The following CNST variants were observed in gnomAD, a reference collection of about 807,000 sequenced individuals.
The protein encoded by CNST is consortin, connexin sorting protein.
CNST carries 39 observed loss-of-function variants against 72.4 expected under a neutral mutation model. That is an observed-to-expected ratio of 0.54 (90% CI 0.42 to 0.70). The LOEUF (loss-of-function observed/expected upper bound fraction) is 0.70. CNST is among the 30% of genes least tolerant of loss of function. CNST has a pLI of 0.00. For synonymous variants in CNST, 332 were observed against 320.1 expected, an observed-to-expected ratio of 1.04 and a Z score of -0.40; for missense variants, 871 against 868.5, an observed-to-expected ratio of 1.00 and a Z score of -0.04.
At position 246,586,111 on chromosome 1, in the gene CNST, A is replaced by ATATG. The variant is rs777928408; in HGVS notation, c.-51-5400_-51-5399insATGT. ...GAGGGGGAGATATATATATATATAT[A>ATATG]TGTGTGTGTGTGTGTGTGTGTGTGT... On this transcript the variant is annotated intron_variant, in intron 1 of 10. Coordinates refer to ENST00000366513, the MANE Select transcript of CNST (RefSeq NM_152609.3). 2.7e-3 allele frequency among the ~76,000 whole-genome samples: 279 copies of ATATG among 102,680 alleles called. 2 individuals are homozygous for ATATG. The highest frequency in any genetic ancestry group is 0.01 in the African/African-American group (259 of 25,022). The allele number at this position is 102,680 out of a possible 152,430, so 67.4% of individuals were successfully genotyped here. A position where few individuals can be genotyped will look rare whatever the true frequency, so the allele number is the denominator to read the frequency against.
chr1:246,652,803 G>C (rs1376055315), intron 9 of CNST, among the ~76,000 whole-genome samples: 2 of 151,072 alleles, frequency 1.3e-5, no homozygotes, highest in African/African-American at 4.9e-5. Context: ...AGGAGATCGA[G>C]ACCATCCTGG....
At chr1:246,589,213 C>T (rs1395375886) in intron 1 of CNST, among the ~76,000 whole-genome samples, 2 of 151,596 alleles carry the variant, frequency 1.3e-5, no homozygotes, top group Admixed American at 6.6e-5. Flanking sequence ...GTGCTGCACC[C>T]ATTAACTCGT....
At chr1:246,629,888 C>T (rs1457156566) in intron 3 of CNST, among the ~76,000 whole-genome samples, 1 of 152,212 alleles carries the variant, frequency 6.6e-6, no homozygotes, top group Admixed American at 6.5e-5. Flanking sequence ...CACACCACCA[C>T]ACCCAGCTAA....
At chr1:246,585,457 T>G (rs1456672817) in intron 1 of CNST, among the ~76,000 whole-genome samples, 12 of 151,044 alleles carry the variant, frequency 7.9e-5, no homozygotes, top group East Asian at 2.0e-4. Context: ...GATCAGCCTG[T>G]CCAACATGGC....
intron 1 of CNST, among the ~76,000 whole-genome samples, chr1:246,567,902 C>T (rs2102995538): frequency 6.6e-6 from 1 of 152,166 alleles, no homozygotes; most frequent in South Asian, 2.1e-4. Flanking sequence ...TTTTTTCCCC[C>T]TCCAGGACCT....
intron 3 of CNST, among the ~76,000 whole-genome samples, chr1:246,627,302 G>C (rs1664501599): frequency 6.6e-6 from 1 of 152,200 alleles, no homozygotes; most frequent in South Asian, 2.1e-4. Flanking sequence ...ATCTTGTCCT[G>C]TTAGCCTCCT....
At chr1:246,649,340 C>G (rs528248671) in intron 9 of CNST, among the ~76,000 whole-genome samples, 2 of 152,048 alleles carry the variant, frequency 1.3e-5, no homozygotes, top group African/African-American at 4.8e-5. Context: ...ATGGCAGTTT[C>G]ATGTGATATA....
intron 4 of CNST, among the ~76,000 whole-genome samples, 162 bp from the exon 5 acceptor site, chr1:246,633,758 AAAAG>A (rs1474463318): frequency 1.3e-5 from 2 of 152,168 alleles, no homozygotes; most frequent in Non-Finnish European, 2.9e-5. Flanking sequence ...AAAAAAAAAA[AAAAG>A]AGAGAAACAT....
intron 9 of CNST, among the ~76,000 whole-genome samples, chr1:246,653,358 C>A (rs897101860): frequency 2.0e-5 from 3 of 152,218 alleles, no homozygotes; most frequent in Admixed American, 2.0e-4. Flanking sequence ...GAGGCTAGCA[C>A]TAAGCAGTAG....
chr1:246,602,008 G>A (rs945516580), intron 2 of CNST, among the ~76,000 whole-genome samples: 1 of 152,110 alleles, frequency 6.6e-6, no homozygotes, highest in African/African-American at 2.4e-5. Context: ...GTTAAGGGTT[G>A]ATAGTTGGGA....
chr1:246,602,212 G>A (rs1662331689), intron 2 of CNST, among the ~76,000 whole-genome samples: 1 of 152,180 alleles, frequency 6.6e-6, no homozygotes, highest in Admixed American at 6.5e-5. Context: ...GCAGAAAATT[G>A]AAGAATTGTG....
At chr1:246,578,472 C>T (rs553064888) in intron 1 of CNST, among the ~76,000 whole-genome samples, 2 of 151,958 alleles carry the variant, frequency 1.3e-5, no homozygotes, top group East Asian at 1.9e-4. Flanking sequence ...GAGATCGAGA[C>T]CATCCTGGCT....
At chr1:246,658,181 T>C (rs1038048057) in intron 9 of CNST, among the ~76,000 whole-genome samples, 1 of 152,204 alleles carries the variant, frequency 6.6e-6, no homozygotes, top group African/African-American at 2.4e-5. Flanking sequence ...ATTAAAAGAA[T>C]ATCAATGATA....
intron 8 of CNST, among the ~76,000 whole-genome samples, chr1:246,644,502 C>T (rs891286910): frequency 6.6e-6 from 1 of 152,194 alleles, no homozygotes; most frequent in African/African-American, 2.4e-5. Context: ...AGCTCTTCTC[C>T]GCCCTCCAGT....
At chr1:246,605,963 C>G (rs972768673) in intron 2 of CNST, 3 of 151,868 alleles carry the variant, frequency 2.0e-5, no homozygotes, top group African/African-American at 7.3e-5. Flanking sequence ...ATTCATCCCC[C>G]CAAGCTTTCG....
rs76202222 is a variant in CNST, at chr1:246,572,968, C to T, written c.-52+6305C>T. 5.1e-3 allele frequency among the ~76,000 whole-genome samples: 770 copies of T among 152,182 alleles called. 9 individuals carry two copies. The highest frequency in any genetic ancestry group is 0.018 in the African/African-American group (736 of 41,506). ...ACTTAAATTGGATCTTACAAGGATT[C>T]ATGTAACCAACAGGATTTCCTCCCT... On this transcript the variant is annotated intron_variant, in intron 1 of 10. Coordinates refer to ENST00000366513, the MANE Select transcript of CNST (RefSeq NM_152609.3).
intron 3 of CNST, 22 bp downstream of exon 3, chr1:246,621,656 T>G: frequency 6.3e-7 from 1 of 1,594,604 alleles, no homozygotes; most frequent in Non-Finnish European, 8.6e-7. Context: ...AACCCTTCAC[T>G]TTCAGCCTCA....
Position 246,634,030 on chromosome 1 carries a change from G to A in CNST, c.703+20G>A. 1 of 1,480,478 alleles carries A rather than the reference G, an allele frequency of 6.8e-7. No individual in the cohort carries two copies. The highest frequency in any genetic ancestry group is 9.4e-7 in the Non-Finnish European group (1 of 1,061,064). The allele number at this position is 1,480,478 out of a possible 1,614,324, so 91.7% of individuals were successfully genotyped here. On this transcript the variant is annotated intron_variant, in intron 5 of 10. Transcript: ENST00000366513. ...AGTGGGGTAAGTACAGACCAACATG[G>A]AATGTGGAATTAGCAGTAATCCAAC...
chr1:246,568,669 G>C (rs959477664), intron 1 of CNST, among the ~76,000 whole-genome samples: 2 of 152,046 alleles, frequency 1.3e-5, no homozygotes, highest in East Asian at 1.9e-4. Flanking sequence ...TCCGCTTTTC[G>C]GGTTCAAGCA....
Sources: allele counts gnomAD v4.1 joint callset (sites outside exome capture counted in the v4.1 genomes callset), GRCh38; gene constraint gnomAD v4.1.1; transcripts MANE v1.5; gene names NCBI Gene and HGNC (gene_info 2026-07-23, HGNC 2026-07-21).